FCHSD2: variants seen among roughly 807,000 people sequenced by gnomAD.
FCHSD2 encodes FCH and double SH3 domains 2, also known as F-BAR and double SH3 domains protein 2.
In FCHSD2, 38 loss-of-function variants were observed where a neutral mutation model predicts 108.1. That is an observed-to-expected ratio of 0.35 (90% CI 0.27 to 0.46). FCHSD2 has a LOEUF of 0.46. Among genes scored for constraint, FCHSD2 ranks in the 20% least tolerant of loss-of-function variants. The pLI is 1.00. For missense variants in FCHSD2, 751 were observed against 897.8 expected, an observed-to-expected ratio of 0.84 and a Z score of 2.09; for synonymous variants, 279 against 314.7, an observed-to-expected ratio of 0.89 and a Z score of 1.20.
At chr11:73,016,861 T>C (rs75099005) in intron 3 of FCHSD2, among the ~76,000 whole-genome samples, 6,778 of 152,310 alleles carry the variant, frequency 0.045, 219 homozygotes, top group Non-Finnish European at 0.067. Flanking sequence ...TGTTTATCTA[T>C]AACAGGTGTC....
chr11:73,077,125 A>G (rs1020444374), intron 3 of FCHSD2, among the ~76,000 whole-genome samples: 98 of 150,496 alleles, frequency 6.5e-4, no homozygotes, highest in Non-Finnish European at 7.1e-4. Flanking sequence ...AAAAAGAAAA[A>G]AAAGAAAAAA....
chr11:73,073,096 C>A (rs1859472088), intron 3 of FCHSD2, among the ~76,000 whole-genome samples: 1 of 152,208 alleles, frequency 6.6e-6, no homozygotes, highest in Non-Finnish European at 1.5e-5. Context: ...ACAGGAAGTA[C>A]TTTAATACAC....
chr11:72,902,893 T>A (rs890101475), intron 9 of FCHSD2, among the ~76,000 whole-genome samples: 8 of 152,184 alleles, frequency 5.3e-5, no homozygotes, highest in Admixed American at 4.6e-4. Context: ...CTGGACAATA[T>A]ATAATACCTT....
chr11:72,967,165 A>C (rs1015726609), intron 8 of FCHSD2, among the ~76,000 whole-genome samples: 13 of 150,730 alleles, frequency 8.6e-5, no homozygotes, highest in African/African-American at 2.7e-4. Flanking sequence ...GCGCCACTGC[A>C]CTCCAGCCTG....
intron 8 of FCHSD2, 59 bp from the exon 9 acceptor site, chr11:72,922,009 T>C: frequency 7.9e-7 from 1 of 1,261,376 alleles, no homozygotes; most frequent in Non-Finnish European, 1.1e-6. Context: ...ACATATGATA[T>C]CTTCTGCCTA....
intron 8 of FCHSD2, among the ~76,000 whole-genome samples, chr11:72,952,033 T>A (rs1364241972): frequency 6.6e-6 from 1 of 152,162 alleles, no homozygotes; most frequent in Non-Finnish European, 1.5e-5. Context: ...TTGGCAAGAA[T>A]CAAAAATTCC....
Position 72,838,668 on chromosome 11 carries a change from T to G in FCHSD2, c.*123A>C. The G allele has an allele frequency of 1.3e-6, 1 of 778,064 alleles. No individual in the cohort carries two copies. 48.2% of individuals were successfully genotyped at this position (778,064 alleles called of 1,614,324 possible). A position where few individuals can be genotyped will look rare whatever the true frequency, so the allele number is the denominator to read the frequency against. The stretch of plus-strand genomic sequence containing the variant: ...GTCTACCAGGCCACCCAGTCACACA[T>G]AATCCTCCTTGTTTTTTGCTCTGTT... On this transcript the variant is annotated 3_prime_UTR_variant, in exon 20 of 20. Transcript: ENST00000409418.
At chr11:72,974,436 T>TC (rs1421239641) in intron 8 of FCHSD2, among the ~76,000 whole-genome samples, 2 of 152,226 alleles carry the variant, frequency 1.3e-5, no homozygotes, top group Non-Finnish European at 2.9e-5. Flanking sequence ...TATTGTTGCA[T>TC]TGGGAATTAG....
intron 13 of FCHSD2, among the ~76,000 whole-genome samples, chr11:72,865,941 G>A (rs754202826): frequency 1.3e-5 from 2 of 152,184 alleles, no homozygotes; most frequent in Non-Finnish European, 2.9e-5. Context: ...TAAATTCTAT[G>A]AGGAGGGAGA....
intron 2 of FCHSD2, among the ~76,000 whole-genome samples, chr11:73,089,060 T>C (rs973002768): frequency 2.6e-5 from 4 of 152,172 alleles, no homozygotes; most frequent in Non-Finnish European, 5.9e-5. Flanking sequence ...TAATTTCCTG[T>C]TTTAAAGCAA....
intron 3 of FCHSD2, among the ~76,000 whole-genome samples, chr11:73,044,704 A>T (rs1160143391): frequency 6.6e-6 from 1 of 152,222 alleles, no homozygotes; most frequent in Admixed American, 6.5e-5. Flanking sequence ...CTGGGTAAAT[A>T]CTATATAGAA....
intron 5 of FCHSD2, among the ~76,000 whole-genome samples, chr11:72,997,493 T>A (rs1394497456): frequency 6.6e-6 from 1 of 151,876 alleles, no homozygotes; most frequent in African/African-American, 2.4e-5. Flanking sequence ...AAGACCCAAA[T>A]AACCAAAAAT....
intron 4 of FCHSD2, among the ~76,000 whole-genome samples, chr11:73,010,368 C>A (rs563142324): frequency 5.3e-5 from 8 of 152,228 alleles, no homozygotes; most frequent in African/African-American, 1.9e-4. Context: ...TTAATATCAA[C>A]ATTTTGAATT....
intron 4 of FCHSD2, 66 bp downstream of exon 4, chr11:73,015,743 T>C (rs1162022270): frequency 2.2e-6 from 2 of 901,420 alleles, no homozygotes; most frequent in East Asian, 5.1e-5. Context: ...TGTTACATTA[T>C]CTATATGTAA....
At chr11:72,974,865 T>C (rs889299549) in intron 8 of FCHSD2, among the ~76,000 whole-genome samples, 15 of 151,852 alleles carry the variant, frequency 9.9e-5, no homozygotes, top group African/African-American at 3.6e-4. Flanking sequence ...AAAGCAGAAT[T>C]AAGCAGAATT....
At chr11:73,099,972 G>A (rs892491802) in intron 2 of FCHSD2, among the ~76,000 whole-genome samples, 3 of 152,178 alleles carry the variant, frequency 2.0e-5, no homozygotes, top group Admixed American at 6.5e-5. Flanking sequence ...AAGATGTGCC[G>A]TTTGTCATAG....
chr11:72,901,608 T>C (rs1855527260), intron 10 of FCHSD2, among the ~76,000 whole-genome samples: 1 of 152,028 alleles, frequency 6.6e-6, no homozygotes, highest in South Asian at 2.1e-4. Context: ...ACTGGAAATG[T>C]AGTAAGTGAC....
intron 10 of FCHSD2, among the ~76,000 whole-genome samples, chr11:72,901,300 T>A (rs902487465): frequency 1.0e-4 from 5 of 47,894 alleles, no homozygotes; most frequent in African/African-American, 4.4e-4. Flanking sequence ...GGGAGGCTGA[T>A]GTGGGAGGAT....
intron 10 of FCHSD2, among the ~76,000 whole-genome samples, chr11:72,897,252 C>T (rs548861592): frequency 1.3e-5 from 2 of 151,400 alleles, no homozygotes; most frequent in East Asian, 3.9e-4. Flanking sequence ...AGTTGTCCTT[C>T]CATATCTGTG....
Sources: gnomAD v4.1 joint callset for allele counts (sites outside exome capture counted in the v4.1 genomes callset) on GRCh38, gnomAD v4.1.1 for gene constraint, MANE v1.5 for transcripts, NCBI Gene and HGNC (gene_info 2026-07-23, HGNC 2026-07-21) for gene names.